The following OTUD7A variants were observed in gnomAD, a reference collection of about 807,000 sequenced individuals.
OTUD7A encodes OTU domain-containing protein 7A.
OTUD7A carries 12 observed loss-of-function variants against 65.7 expected under a neutral mutation model. The observed-to-expected ratio is 0.18, with a 90% CI of 0.12 to 0.30. OTUD7A has a LOEUF of 0.30. Among genes scored for constraint, OTUD7A ranks in the 10% least tolerant of loss-of-function variants. The probability of loss-of-function intolerance (pLI) is 1.00; values close to 1 mark genes in which losing one functional copy is unlikely to be tolerated. For synonymous variants in OTUD7A, 641 were observed against 586.3 expected, an observed-to-expected ratio of 1.09 and a Z score of -1.35; for missense variants, 1,148 against 1,304.8, an observed-to-expected ratio of 0.88 and a Z score of 1.85.
chr15:31,827,399 G>A (rs1896823296), intron 1 of OTUD7A, among the ~76,000 whole-genome samples: 1 of 152,194 alleles, frequency 6.6e-6, no homozygotes, highest in African/African-American at 2.4e-5. Context: ...TGAACAGTAT[G>A]AGGGAAACCA....
intron 1 of OTUD7A, among the ~76,000 whole-genome samples, chr15:31,795,930 G>A (rs1294742550): frequency 6.6e-6 from 1 of 152,192 alleles, no homozygotes; most frequent in Non-Finnish European, 1.5e-5. Flanking sequence ...AAGCTTCTCT[G>A]AGCCTGGCCC....
intron 3 of OTUD7A, among the ~76,000 whole-genome samples, chr15:31,624,161 G>A (rs1245758405): frequency 6.6e-6 from 1 of 152,220 alleles, no homozygotes; most frequent in Admixed American, 6.5e-5. Flanking sequence ...CAGGAACTGA[G>A]CACATGGGCA....
intron 1 of OTUD7A, among the ~76,000 whole-genome samples, chr15:31,790,969 G>A (rs1895797686): frequency 6.6e-6 from 1 of 152,180 alleles, no homozygotes; most frequent in Non-Finnish European, 1.5e-5. Flanking sequence ...AGTGGACTGG[G>A]AGGTGCAAGT....
intron 1 of OTUD7A, among the ~76,000 whole-genome samples, chr15:31,673,079 C>A (rs1892520580): frequency 6.6e-6 from 1 of 152,184 alleles, no homozygotes; most frequent in African/African-American, 2.4e-5. Flanking sequence ...CACCAATAAA[C>A]TTACCTTAAG....
chr15:31,505,311 A>G (rs977850313), intron 8 of OTUD7A, among the ~76,000 whole-genome samples: 1 of 152,232 alleles, frequency 6.6e-6, no homozygotes, highest in Admixed American at 6.5e-5. Context: ...GAGGAACAGG[A>G]TGTGACTTAC....
chr15:31,497,647 T>C (rs902625022), intron 10 of OTUD7A, among the ~76,000 whole-genome samples: 1 of 152,104 alleles, frequency 6.6e-6, no homozygotes, highest in Non-Finnish European at 1.5e-5. Flanking sequence ...ACCCTGAAGG[T>C]TCCTGAGTCC....
At chr15:31,713,118 A>G (rs1893490219) in intron 1 of OTUD7A, among the ~76,000 whole-genome samples, 1 of 152,226 alleles carries the variant, frequency 6.6e-6, no homozygotes, top group Non-Finnish European at 1.5e-5. Flanking sequence ...TTATGTCCAC[A>G]GTAAATGTGC....
chr15:31,768,228 A>C (rs1409116251), intron 1 of OTUD7A: 2 of 944,008 alleles, frequency 2.1e-6, no homozygotes, highest in Non-Finnish European at 3.5e-6. Context: ...GGTGGCATCC[A>C]TGGCAGTGTA....
intron 1 of OTUD7A, among the ~76,000 whole-genome samples, chr15:31,863,930 C>T (rs1897811415): frequency 2.0e-5 from 3 of 152,190 alleles, no homozygotes. Context: ...GCACCTAAGT[C>T]ATCTTTTGAA....
chr15:31,860,759 G>A (rs1168865316), intron 1 of OTUD7A, among the ~76,000 whole-genome samples: 2 of 144,112 alleles, frequency 1.4e-5, no homozygotes, highest in Admixed American at 7.1e-5. Context: ...AGGCTGGAGT[G>A]CAGTGGTGCA....
At chr15:31,861,143 A>G (rs1401866722) in intron 1 of OTUD7A, among the ~76,000 whole-genome samples, 5 of 152,088 alleles carry the variant, frequency 3.3e-5, no homozygotes, top group Non-Finnish European at 7.4e-5. Flanking sequence ...TTTTGTACAG[A>G]ATCATGGAGT....
chr15:31,517,873 C>T (rs2041880873), intron 8 of OTUD7A, among the ~76,000 whole-genome samples: 1 of 152,090 alleles, frequency 6.6e-6, no homozygotes, highest in Non-Finnish European at 1.5e-5. Context: ...CCTTGGAGAC[C>T]ATCCTCGGCA....
chr15:31,476,742 G>C lies in OTUD7A; in HGVS notation c.*6552C>G, dbSNP rs988000214. 2 of 152,298 alleles carry C rather than the reference G, an allele frequency of 1.3e-5. No homozygotes were observed. Among genetic ancestry groups the C allele is most frequent in the African/African-American group, 4.8e-5 (2 of 41,470 alleles). 9.4% of individuals were successfully genotyped at this position (152,298 alleles called of 1,614,324 possible). On this transcript the variant is annotated 3_prime_UTR_variant, in exon 13 of 13. Transcript: ENST00000307050. ...AAATGACAGCAAAACCACGGAAGTG[G>C]ATTAAACAGGAGGACAAAGCCTTTA... is the stretch of plus-strand genomic sequence containing the variant.
rs183369580 is a variant in OTUD7A, at chr15:31,567,969, G to A, written c.331+2049C>T. On this transcript the variant is annotated intron_variant, in intron 4 of 12. Coordinates refer to ENST00000307050, the MANE Select transcript of OTUD7A (RefSeq NM_001382637.1). ...TCAGAGGATGTATGGAAAAGCCTGG[G>A]TGTCCAGGCAGAAGCCTGCAGCAGG... 2.6e-5 allele frequency among the ~76,000 whole-genome samples: 4 copies of A among 152,388 alleles called. No individual in the cohort carries two copies. In the East Asian group the frequency reaches 7.7e-4, roughly 29 times the overall value.
intron 1 of OTUD7A, among the ~76,000 whole-genome samples, chr15:31,860,673 G>GTA (rs1161319034): frequency 7.5e-5 from 1 of 13,348 alleles, no homozygotes; most frequent in East Asian, 3.4e-3. Context: ...ATAGATGTAT[G>GTA]TGTGTATATA....
chr15:31,774,734 G>A (rs1293714716), intron 1 of OTUD7A, among the ~76,000 whole-genome samples: 2 of 152,158 alleles, frequency 1.3e-5, no homozygotes, highest in African/African-American at 4.8e-5. Flanking sequence ...CAGTTGTCTG[G>A]GAAATACTAT....
chr15:31,743,386 G>C (rs1894393304), intron 1 of OTUD7A, among the ~76,000 whole-genome samples: 2 of 151,800 alleles, frequency 1.3e-5, no homozygotes, highest in African/African-American at 4.8e-5. Context: ...CACAAGGGAG[G>C]TTAGAAAATA....
chr15:31,599,514 A>G (rs1380612680), intron 3 of OTUD7A, among the ~76,000 whole-genome samples: 4 of 152,228 alleles, frequency 2.6e-5, no homozygotes, highest in African/African-American at 9.6e-5. Flanking sequence ...AAAGGTAGAT[A>G]AATCCATGAA....
chr15:31,507,463 T>A (rs529756047), intron 8 of OTUD7A, among the ~76,000 whole-genome samples: 4 of 152,328 alleles, frequency 2.6e-5, no homozygotes, highest in Non-Finnish European at 4.4e-5. Flanking sequence ...AGTTGGTTCC[T>A]TCCAGTGGCT....
Sources: allele counts gnomAD v4.1 joint callset (sites outside exome capture counted in the v4.1 genomes callset), GRCh38; gene constraint gnomAD v4.1.1; transcripts MANE v1.5; gene names NCBI Gene and HGNC (gene_info 2026-07-23, HGNC 2026-07-21).